CSMD1: variants seen among roughly 807,000 people sequenced by gnomAD.
CSMD1 encodes CUB and Sushi multiple domains 1.
A neutral mutation model predicts 417.5 loss-of-function variants in CSMD1; 213 were observed. The ratio of observed to expected loss-of-function variants is 0.51; its 90% confidence interval spans 0.46 to 0.57. The LOEUF (loss-of-function observed/expected upper bound fraction) is 0.57, where lower values mean the gene tolerates loss of function less well. Among genes scored for constraint, CSMD1 ranks in the 20% least tolerant of loss-of-function variants. The pLI, the probability that CSMD1 is intolerant of heterozygous loss-of-function variation, is 0.00. For missense variants in CSMD1, 6,923 were observed against 4,529.7 expected (o/e 1.53, Z -15.17); for synonymous variants, 2,862 against 1,736.8 (o/e 1.65, Z -16.11).
At chr8:4,789,758 A>C (rs1168724323) in intron 1 of CSMD1, among the ~76,000 whole-genome samples, 1 of 152,112 alleles carries the variant, frequency 6.6e-6, no homozygotes, top group Non-Finnish European at 1.5e-5. Context: ...TTCATGTAGT[A>C]AATTTTTTAA....
rs185817192 is a variant in CSMD1, at chr8:3,924,937, C to T, written c.818+72966G>A. 1.7e-3 allele frequency among the ~76,000 whole-genome samples: 252 copies of T among 152,112 alleles called. 1 individual carries two copies. The highest frequency in any genetic ancestry group is 0.01 in the Middle Eastern group (3 of 294). ...TTATATTTCCTTTATTTTTTTCTCT[C>T]TTCCTTGAAGTTCTGCATTGCTTTC... On this transcript the variant is annotated intron_variant, in intron 5 of 69. Transcript: ENST00000635120.
intron 5 of CSMD1, among the ~76,000 whole-genome samples, chr8:3,881,608 C>CAAAAAAAAAA (rs370466578): frequency 6.8e-5 from 7 of 102,482 alleles, no homozygotes; most frequent in South Asian, 3.2e-4. Context: ...GACTCCATCT[C>CAAAAAAAAAA]AAAAAAAAAA....
chr8:4,066,771 G>A (rs1250682091), intron 3 of CSMD1, among the ~76,000 whole-genome samples: 1 of 152,140 alleles, frequency 6.6e-6, no homozygotes, highest in Non-Finnish European at 1.5e-5. Flanking sequence ...AATACGGAAA[G>A]GGGCGAGAAA....
At chr8:2,980,069 A>G (rs1786426738) in intron 54 of CSMD1, among the ~76,000 whole-genome samples, 1 of 152,242 alleles carries the variant, frequency 6.6e-6, no homozygotes, top group Non-Finnish European at 1.5e-5. Context: ...CCCCCATGCC[A>G]TACTTTCATA....
At chr8:4,925,994 C>G (rs988765855) in intron 1 of CSMD1, among the ~76,000 whole-genome samples, 1 of 152,128 alleles carries the variant, frequency 6.6e-6, no homozygotes, top group African/African-American at 2.4e-5. Flanking sequence ...TGCATTCTTT[C>G]CAGGTTATAT....
chr8:3,714,285 A>G (rs1490341931), intron 6 of CSMD1, among the ~76,000 whole-genome samples: 1 of 151,174 alleles, frequency 6.6e-6, no homozygotes, highest in African/African-American at 2.4e-5. Context: ...TATTTAATCA[A>G]TAGATTTCTG....
At chr8:4,722,377 TA>T (rs1809116087) in intron 1 of CSMD1, among the ~76,000 whole-genome samples, 3 of 152,136 alleles carry the variant, frequency 2.0e-5, no homozygotes, top group Admixed American at 2.0e-4. Context: ...CTTAACTAAA[TA>T]TGGCTACTTC....
At chr8:4,642,620 T>C (rs1803268987) in intron 1 of CSMD1, among the ~76,000 whole-genome samples, 1 of 152,214 alleles carries the variant, frequency 6.6e-6, no homozygotes, top group African/African-American at 2.4e-5. Flanking sequence ...GTGGGCATTC[T>C]CAGAAAGTAG....
intron 5 of CSMD1, among the ~76,000 whole-genome samples, chr8:3,770,754 T>A (rs1798522568): frequency 1.3e-5 from 2 of 152,058 alleles, no homozygotes; most frequent in African/African-American, 4.8e-5. Context: ...CCTACTCCAT[T>A]CCCCGCCAAA....
intron 3 of CSMD1, among the ~76,000 whole-genome samples, chr8:4,116,046 G>A (rs937491062): frequency 6.6e-6 from 1 of 151,168 alleles, no homozygotes; most frequent in South Asian, 2.1e-4. Flanking sequence ...TGTCTCCCAG[G>A]CTAGATTGTA....
Position 2,938,591 on chromosome 8 carries a change from C to A in CSMD1, c.10689G>T (p.Val3563=). 6.2e-7 allele frequency: 1 copy of A among 1,611,464 alleles called. No homozygotes were observed. Among genetic ancestry groups the A allele is most frequent in the South Asian group, 1.1e-5 (1 of 90,348 alleles). Residue 3563 remains valine (V), a synonymous_variant, in exon 70 of 70, where the codon GTG becomes GTT. Transcript: ENST00000635120. ...FDTTLNTVCT[V]V is the part of the protein sequence containing the mutation. ...CCTGTTGGGGCACTGAGGGCTATACCACTGTACAGACTGTGTTCAGAGTTG... is the reference window on the plus strand; with the variant it reads ...CCTGTTGGGGCACTGAGGGCTATACAACTGTACAGACTGTGTTCAGAGTTG...
At chr8:4,257,558 A>G (rs1400101774) in intron 3 of CSMD1, among the ~76,000 whole-genome samples, 4 of 152,198 alleles carry the variant, frequency 2.6e-5, no homozygotes, top group Admixed American at 6.5e-5. Flanking sequence ...CATTTTTAAA[A>G]TAAGAAATAG....
intron 2 of CSMD1, among the ~76,000 whole-genome samples, chr8:4,452,114 T>C (rs1490764171): frequency 1.3e-5 from 2 of 152,140 alleles, no homozygotes; most frequent in Non-Finnish European, 2.9e-5. Flanking sequence ...GTGTGATGCT[T>C]CCAGAGGTCT....
At chr8:3,883,925 A>AAT (rs1806381218) in intron 5 of CSMD1, among the ~76,000 whole-genome samples, 1 of 152,166 alleles carries the variant, frequency 6.6e-6, no homozygotes, top group South Asian at 2.1e-4. Flanking sequence ...AAAATATATG[A>AAT]ATATAGGCAT....
intron 10 of CSMD1, among the ~76,000 whole-genome samples, chr8:3,505,823 G>C (rs767379646): frequency 1.3e-5 from 2 of 152,042 alleles, no homozygotes; most frequent in Non-Finnish European, 1.5e-5. Context: ...CTCAGGTATC[G>C]TATCAACACA....
At chr8:4,733,838 G>T (rs567378333) in intron 1 of CSMD1, among the ~76,000 whole-genome samples, 1 of 152,092 alleles carries the variant, frequency 6.6e-6, no homozygotes, top group Non-Finnish European at 1.5e-5. Flanking sequence ...TATTATCACT[G>T]ACCATTACAA....
At chr8:3,261,286 C>A (rs1319398763) in intron 26 of CSMD1, among the ~76,000 whole-genome samples, 1 of 152,136 alleles carries the variant, frequency 6.6e-6, no homozygotes, top group Non-Finnish European at 1.5e-5. Context: ...AATGGTACAG[C>A]CATTCTGGAA....
intron 12 of CSMD1, among the ~76,000 whole-genome samples, chr8:3,460,068 C>G (rs1816399810): frequency 6.6e-6 from 1 of 152,130 alleles, no homozygotes. Context: ...CTTGCATTCC[C>G]AGAGCTTCTG....
intron 10 of CSMD1, among the ~76,000 whole-genome samples, chr8:3,528,245 G>A (rs528847358): frequency 1.3e-5 from 2 of 152,344 alleles, no homozygotes; most frequent in South Asian, 4.1e-4. Flanking sequence ...GTTGTGGAAA[G>A]GGATAGACAC....
Sources: gnomAD v4.1 joint callset for allele counts (sites outside exome capture counted in the v4.1 genomes callset) on GRCh38, gnomAD v4.1.1 for gene constraint, MANE v1.5 for transcripts, NCBI Gene and HGNC (gene_info 2026-07-23, HGNC 2026-07-21) for gene names.